The following FAM185A variants were observed in gnomAD, a reference collection of about 807,000 sequenced individuals.
FAM185A encodes family with sequence similarity 185 member A.
Under a neutral mutation model 45.7 loss-of-function variants are expected in FAM185A, and 21 were observed. The observed-to-expected ratio is 0.46, with a 90% CI of 0.33 to 0.66. FAM185A has a LOEUF of 0.66. FAM185A is among the 30% of genes least tolerant of loss of function. The probability of loss-of-function intolerance (pLI) is 0.03; values close to 1 mark genes in which losing one functional copy is unlikely to be tolerated. For missense variants in FAM185A, 305 were observed against 485.4 expected (o/e 0.63, Z 3.49); for synonymous variants, 117 against 194.0 (o/e 0.60, Z 3.30).
At chr7:102,823,104 G>T in the FAM185A span, among the ~76,000 whole-genome samples, 89 of 152,122 alleles carry the variant, frequency 5.9e-4, no homozygotes, top group Admixed American at 1.3e-3. Context: ...TTGTGATTTT[G>T]CTGTTATTTT....
At chr7:102,847,460 A>G in the FAM185A span, among the ~76,000 whole-genome samples, 1 of 152,228 alleles carries the variant, frequency 6.6e-6, no homozygotes, top group Non-Finnish European at 1.5e-5. Context: ...TGTCATTTAA[A>G]TGGATGATTA....
At chr7:102,824,615 A>G in the FAM185A span, among the ~76,000 whole-genome samples, 2 of 151,786 alleles carry the variant, frequency 1.3e-5, no homozygotes, top group South Asian at 4.2e-4. Context: ...CCTCCTGTGT[A>G]GCTGGGATTA....
chr7:102,791,577 G>A (rs1452360030), intron 7 of FAM185A, among the ~76,000 whole-genome samples: 1 of 152,246 alleles, frequency 6.6e-6, no homozygotes, highest in African/African-American at 2.4e-5. Context: ...ATCGCAGAAT[G>A]ATGAGTTTAT....
chr7:102,825,950 G>A, the FAM185A span, among the ~76,000 whole-genome samples: 1 of 152,162 alleles, frequency 6.6e-6, no homozygotes, highest in Non-Finnish European at 1.5e-5. Flanking sequence ...AGAACTAAAG[G>A]AGAACATGTA....
At chr7:102,837,999 A>T in the FAM185A span, among the ~76,000 whole-genome samples, 14 of 152,258 alleles carry the variant, frequency 9.2e-5, no homozygotes, top group Non-Finnish European at 1.6e-4. Context: ...TCCAAAATGA[A>T]TGAAGAATGC....
chr7:102,792,830 A>G (rs1461708822), intron 7 of FAM185A, among the ~76,000 whole-genome samples: 1 of 152,000 alleles, frequency 6.6e-6, no homozygotes, highest in Non-Finnish European at 1.5e-5. Flanking sequence ...GGGTAATAAC[A>G]TACAATGGAA....
chr7:102,800,474 C>T (rs1266207876), intron 7 of FAM185A, among the ~76,000 whole-genome samples: 1 of 151,920 alleles, frequency 6.6e-6, no homozygotes, highest in African/African-American at 2.4e-5. Flanking sequence ...AGACGAAGCC[C>T]AATATAACGA....
chr7:102,826,722 C>G, the FAM185A span, among the ~76,000 whole-genome samples: 1 of 61,520 alleles, frequency 1.6e-5, no homozygotes, highest in Non-Finnish European at 3.3e-5. Context: ...GAGACCCTGT[C>G]TCATATATAT....
Position 102,749,527 on chromosome 7 carries a change from G to A in FAM185A, c.320G>A (p.Gly107Asp). ...GACCGCGTGCTGGTCGCGGTGTGCG[G>A]CGTGGAGGGCGGCGTGCGGGGCCTG... ...DGDRVLVAVCGVEGGVRGLDG... is the reference protein window; with the variant it reads ...DGDRVLVAVCDVEGGVRGLDG... Residue 107 changes from glycine (G) to aspartate (D), a missense_variant, in exon 1 of 8, where the codon GGC becomes GAC. This residue lies in a region of FAM185A where 174 missense variants were observed against 247.1 expected (regional missense o/e 0.70). Coordinates refer to ENST00000413034, the MANE Select transcript of FAM185A (RefSeq NM_001145268.2). 1 of 1,520,126 alleles carries A rather than the reference G, an allele frequency of 6.6e-7. No individual in the cohort carries two copies. Among genetic ancestry groups the A allele is most frequent in the Non-Finnish European group, 8.8e-7 (1 of 1,134,020 alleles). The allele number at this position is 1,520,126 out of a possible 1,614,324, so 94.2% of individuals were successfully genotyped here.
At chr7:102,841,304 T>A in the FAM185A span, among the ~76,000 whole-genome samples, 1 of 152,128 alleles carries the variant, frequency 6.6e-6, no homozygotes, top group Non-Finnish European at 1.5e-5. Flanking sequence ...AAACTAATGT[T>A]CCAGGGGCAG....
At chr7:102,850,322 C>T in the FAM185A span, among the ~76,000 whole-genome samples, 1 of 152,066 alleles carries the variant, frequency 6.6e-6, no homozygotes, top group Non-Finnish European at 1.5e-5. Context: ...GGCCAATACT[C>T]CTTCATCCCA....
chr7:102,769,541 G>A (rs555411108), intron 4 of FAM185A, among the ~76,000 whole-genome samples: 2,386 of 150,274 alleles, frequency 0.016, 67 homozygotes, highest in African/African-American at 0.055. Context: ...CTAAATGACT[G>A]TAAAACTTTA....
At chr7:102,751,025 C>T (rs986584223) in intron 1 of FAM185A, among the ~76,000 whole-genome samples, 2 of 152,128 alleles carry the variant, frequency 1.3e-5, no homozygotes, top group Non-Finnish European at 2.9e-5. Flanking sequence ...GCAATCTTCT[C>T]GCCTCCACCT....
chr7:102,754,369 TTTGGCCAGGCATG>T (rs1793562657), intron 2 of FAM185A, among the ~76,000 whole-genome samples: 1 of 152,156 alleles, frequency 6.6e-6, no homozygotes, highest in South Asian at 2.1e-4. Flanking sequence ...CTCGGCTAAT[TTTGGCCAGGCATG>T]TTGGCCAGGC....
At chr7:102,835,476 A>G in the FAM185A span, among the ~76,000 whole-genome samples, 1 of 152,188 alleles carries the variant, frequency 6.6e-6, no homozygotes. Context: ...CCCAAACATC[A>G]TATTAGAACA....
the FAM185A span, among the ~76,000 whole-genome samples, chr7:102,845,665 A>G: frequency 6.6e-6 from 1 of 152,116 alleles, no homozygotes; most frequent in Middle Eastern, 3.4e-3. Context: ...TCTCTAATCC[A>G]TTTCCTTCTC....
At chr7:102,815,341 T>C in the FAM185A span, among the ~76,000 whole-genome samples, 1 of 152,328 alleles carries the variant, frequency 6.6e-6, no homozygotes, top group African/African-American at 2.4e-5. Context: ...AGTAAGTTAC[T>C]TAAGAGTTTA....
At chr7:102,826,603 G>C in the FAM185A span, among the ~76,000 whole-genome samples, 1 of 150,034 alleles carries the variant, frequency 6.7e-6, no homozygotes, top group African/African-American at 2.4e-5. Context: ...GGGTATGCTA[G>C]TAGTCCAGCT....
intron 6 of FAM185A, chr7:102,779,884 TG>T (rs1336822502): frequency 4.3e-5 from 3 of 70,250 alleles, no homozygotes; most frequent in East Asian, 4.9e-4. Context: ...TTTTTTGAGC[TG>T]GGGGAGGTAG....
Sources: allele counts gnomAD v4.1 joint callset (sites outside exome capture counted in the v4.1 genomes callset), GRCh38; gene constraint gnomAD v4.1.1; regional missense constraint gnomAD v4.1.1; transcripts MANE v1.5; gene names NCBI Gene and HGNC (gene_info 2026-07-23, HGNC 2026-07-21).